The following UPF3A variants were observed in gnomAD, a reference collection of about 807,000 sequenced individuals.
UPF3A encodes the protein UPF3A regulator of nonsense mediated mRNA decay.
A neutral mutation model predicts 53.5 loss-of-function variants in UPF3A; 42 were observed. The observed-to-expected ratio is 0.78, with a 90% CI of 0.61 to 1.01. The LOEUF is 1.01. Ranked by LOEUF, UPF3A falls within the 50% of genes least tolerant of loss-of-function variation. The probability of loss-of-function intolerance (pLI) is 0.00; values close to 1 mark genes in which losing one functional copy is unlikely to be tolerated. For missense variants in UPF3A, 575 were observed against 598.0 expected, an observed-to-expected ratio of 0.96 and a Z score of 0.40; for synonymous variants, 237 against 225.3, an observed-to-expected ratio of 1.05 and a Z score of -0.47.
At position 114,286,414 on chromosome 13, in the gene UPF3A, A is replaced by G; in HGVS notation, c.520+14A>G. On this transcript the variant is annotated intron_variant, in intron 4 of 9. Transcript: ENST00000375299. The stretch of plus-strand genomic sequence containing the variant: ...GCATCGAAGATGGTGAGCCCTTTCC[A>G]AGTGCTACGTTATGAAGCTGCCAAA... 2 of 1,613,286 alleles carry G rather than the reference A, an allele frequency of 1.2e-6. No homozygotes were observed. The highest frequency in any genetic ancestry group is 1.7e-6 in the Non-Finnish European group (2 of 1,180,036).
Position 114,286,920 on chromosome 13 carries a change from C to T in UPF3A, c.631+291C>T, listed in dbSNP as rs141479302. 4.9e-3 allele frequency: 1,423 copies of T among 289,196 alleles called. 18 individuals are homozygous for T. Among genetic ancestry groups the T allele is most frequent in the African/African-American group, 0.029 (1,322 of 45,942 alleles). 17.9% of individuals were successfully genotyped at this position (289,196 alleles called of 1,614,324 possible). A position where few individuals can be genotyped will look rare whatever the true frequency, so the allele number is the denominator to read the frequency against. On this transcript the variant is annotated intron_variant, in intron 5 of 9. Transcript: ENST00000375299. ...GACACATGAATGGTCTGTTCCTGAG[C>T]GTCAGGGAAGGCATGTTGTGTCACA...
intron 7 of UPF3A, among the ~76,000 whole-genome samples, chr13:114,294,611 G>T (rs1375311263): frequency 6.6e-6 from 1 of 152,186 alleles, no homozygotes; most frequent in Non-Finnish European, 1.5e-5. Context: ...GTATCACGAG[G>T]TCAGGAGATC....
chr13:114,282,383 G>C, intron 2 of UPF3A: 2 of 1,227,058 alleles, frequency 1.6e-6, no homozygotes, highest in South Asian at 3.7e-5. Flanking sequence ...GGGTGCCTTT[G>C]AAAGGACCAG....
At chr13:114,301,702 A>C in intron 8 of UPF3A, 29 bp from the exon 9 acceptor site, 1 of 1,592,368 alleles carries the variant, frequency 6.3e-7, no homozygotes, top group Non-Finnish European at 8.6e-7. Flanking sequence ...GGTTTACTGC[A>C]GTTGCTGATC....
intron 4 of UPF3A, 36 bp from the exon 5 acceptor site, chr13:114,286,483 A>T (rs1240172694): frequency 1.2e-6 from 2 of 1,610,296 alleles, no homozygotes; most frequent in Non-Finnish European, 1.7e-6. Context: ...GTTGGGAAAG[A>T]TTATATTTAT....
intron 8 of UPF3A, among the ~76,000 whole-genome samples, chr13:114,299,804 C>T (rs1461167395): frequency 2.6e-5 from 4 of 152,244 alleles, no homozygotes; most frequent in African/African-American, 9.6e-5. Flanking sequence ...CACCCACAGT[C>T]TCCTGGTGCC....
At chr13:114,281,951 G>C (rs1163427757) in intron 1 of UPF3A, 70 bp from the exon 2 acceptor site, 18 of 1,419,582 alleles carry the variant, frequency 1.3e-5, no homozygotes, top group Non-Finnish European at 1.5e-5. Flanking sequence ...CTCCCAGCGC[G>C]GTACGCGGTG....
chr13:114,302,428 G>A (rs1458621769), intron 9 of UPF3A, among the ~76,000 whole-genome samples: 2 of 152,088 alleles, frequency 1.3e-5, no homozygotes, highest in Non-Finnish European at 1.5e-5. Context: ...AGATCTGCAC[G>A]GACGGTGAGC....
rs1566780236 is a variant in UPF3A, at chr13:114,305,015, C to T, written c.*98C>T. ...CTGGGAAGGAGAACTTATTCCTTAC[C>T]AGGAAACTGGAAGCTAAAAATACAG... On this transcript the variant is annotated 3_prime_UTR_variant, in exon 10 of 10. Transcript: ENST00000375299. 1.4e-6 allele frequency: 2 copies of T among 1,455,262 alleles called. No homozygotes were observed. The highest frequency in any genetic ancestry group is 1.4e-5 in the African/African-American group (1 of 70,556). 90.1% of individuals were successfully genotyped at this position (1,455,262 alleles called of 1,614,324 possible).
intron 8 of UPF3A, among the ~76,000 whole-genome samples, chr13:114,299,627 G>A (rs1291059424): frequency 1.3e-5 from 2 of 152,200 alleles, no homozygotes; most frequent in African/African-American, 2.4e-5. Context: ...GCTCATCTGC[G>A]AAAGGGACAG....
intron 7 of UPF3A, among the ~76,000 whole-genome samples, chr13:114,295,111 C>T (rs1003755258): frequency 3.5e-5 from 3 of 85,406 alleles, no homozygotes; most frequent in Non-Finnish European, 8.1e-5. Context: ...GACTCCGTCT[C>T]AAAAAAAAAA....
chr13:114,304,652 A>G, intron 9 of UPF3A, 137 bp from the exon 10 acceptor site: 1 of 1,264,948 alleles, frequency 7.9e-7, no homozygotes. Flanking sequence ...AGTGCTGTGA[A>G]AAAAGGGCTG....
chr13:114,302,193 C>T (rs571573653), intron 9 of UPF3A, among the ~76,000 whole-genome samples, 168 bp downstream of exon 9: 2 of 152,224 alleles, frequency 1.3e-5, no homozygotes, highest in East Asian at 3.9e-4. Context: ...GACTAGTCAT[C>T]ATCTTTTCTC....
At chr13:114,283,003 C>T (rs555144497) in intron 3 of UPF3A, 60 bp downstream of exon 3, 3 of 1,224,224 alleles carry the variant, frequency 2.5e-6, no homozygotes, top group Admixed American at 4.4e-5. Context: ...TGAAGTATTG[C>T]TAGAATATTC....
rs374356597 is a variant in UPF3A, at chr13:114,294,986, C to T, written c.846+3194C>T. 3.7e-4 allele frequency among the ~76,000 whole-genome samples: 56 copies of T among 151,870 alleles called. No homozygotes were observed. The East Asian group carries it at 9.5e-3, about 26-fold the overall frequency. On this transcript the variant is annotated intron_variant, in intron 7 of 9. Coordinates refer to ENST00000375299, the MANE Select transcript of UPF3A (RefSeq NM_023011.4). ...AATTAGCTGGGCGTGGTGGCGGGAG[C>T]CTGTAGTCCCAGCTACTTGGAAGGC... is the stretch of plus-strand genomic sequence containing the variant.
At chr13:114,292,312 G>A (rs2085372215) in intron 7 of UPF3A, among the ~76,000 whole-genome samples, 1 of 149,484 alleles carries the variant, frequency 6.7e-6, no homozygotes, top group Non-Finnish European at 1.5e-5. Flanking sequence ...TTCGACTCAA[G>A]GCGTACACGT....
At position 114,301,905 on chromosome 13, in the gene UPF3A, A is replaced by G. The variant is rs376813973; in HGVS notation, c.1182A>G (p.Gln394=). Residue 394 remains glutamine (Q), a synonymous_variant, in exon 9 of 10, where the codon CAA becomes CAG. Coordinates refer to ENST00000375299, the MANE Select transcript of UPF3A (RefSeq NM_023011.4). The part of the protein sequence containing the change: ...DEQRWGKGPG[Q]DRGKKGSQDS... ...AGAGATGGGGGAAAGGACCTGGCCA[A>G]GACAGAGGGAAGAAGGGGAGCCAGG... is the stretch of plus-strand genomic sequence containing the variant. 6.2e-7 allele frequency: 1 copy of G among 1,609,858 alleles called. No individual in the cohort carries two copies. The highest frequency in any genetic ancestry group is 1.3e-5 in the African/African-American group (1 of 74,848).
At chr13:114,295,037 G>T (rs1172898277) in intron 7 of UPF3A, among the ~76,000 whole-genome samples, 1 of 151,422 alleles carries the variant, frequency 6.6e-6, no homozygotes, top group East Asian at 1.9e-4. Flanking sequence ...GCATGAACCC[G>T]GGAGGCGGAG....
intron 3 of UPF3A, chr13:114,285,449 C>T (rs2084588096): frequency 6.6e-6 from 1 of 152,220 alleles, no homozygotes; most frequent in Non-Finnish European, 1.5e-5. Flanking sequence ...GCCCTGCCGT[C>T]CCCCTGAGTC....
Sources: gnomAD v4.1 joint callset for allele counts (sites outside exome capture counted in the v4.1 genomes callset) on GRCh38, gnomAD v4.1.1 for gene constraint, MANE v1.5 for transcripts, NCBI Gene and HGNC (gene_info 2026-07-23, HGNC 2026-07-21) for gene names.